Variants in RNF17 observed in about 807,000 individuals in gnomAD.
The protein encoded by RNF17 is ring finger protein 17.
In RNF17, 31 loss-of-function variants were observed where a neutral mutation model predicts 200.5. That is an observed-to-expected ratio of 0.15 (90% CI 0.12 to 0.21). The LOEUF is 0.21. RNF17 is among the 10% of genes least tolerant of loss of function. The pLI, the probability that RNF17 is intolerant of heterozygous loss-of-function variation, is 1.00. For missense variants in RNF17, 1,628 were observed against 1,905.1 expected (o/e 0.85, Z 2.71); for synonymous variants, 606 against 637.8 (o/e 0.95, Z 0.75).
At chr13:24,761,303 G>C (rs1352247188), upstream of RNF17, among the ~76,000 whole-genome samples, 2 of 152,078 alleles carry the variant, frequency 1.3e-5, no homozygotes, top group African/African-American at 4.8e-5. Context: ...CTCTTATGTT[G>C]GGAATAAATA....
At chr13:24,836,127 A>G (rs1889969255) in intron 18 of RNF17, among the ~76,000 whole-genome samples, 2 of 152,196 alleles carry the variant, frequency 1.3e-5, no homozygotes, top group South Asian at 4.1e-4. Context: ...AATATGAACA[A>G]AGCCTCCAAG....
the RNF17 span, among the ~76,000 whole-genome samples, chr13:24,754,349 A>G: frequency 6.6e-6 from 1 of 152,278 alleles, no homozygotes; most frequent in East Asian, 1.9e-4. Context: ...AGGAGTAGAC[A>G]TACAGGCCAG....
chr13:24,881,298 A>G (rs866987637), downstream of RNF17, among the ~76,000 whole-genome samples: 7 of 151,552 alleles, frequency 4.6e-5, no homozygotes, highest in South Asian at 1.5e-3. Flanking sequence ...GCACCACCAC[A>G]CCTGGCTAAC....
intron 22 of RNF17, among the ~76,000 whole-genome samples, chr13:24,848,051 T>G (rs1891447483): frequency 6.6e-6 from 1 of 152,208 alleles, no homozygotes; most frequent in Non-Finnish European, 1.5e-5. Context: ...TTTAAGAACT[T>G]CTGGAACCTG....
upstream of RNF17, chr13:24,764,070 G>A (rs575369925): frequency 4.4e-4 from 357 of 805,376 alleles, 2 homozygotes; most frequent in South Asian, 6.1e-3. Flanking sequence ...CATCAGGAGC[G>A]AGCTTGGGGG....
rs184617034 is a variant in RNF17, at chr13:24,791,509, C to T, written c.936-1533C>T. On this transcript the variant is annotated intron_variant, in intron 9 of 35. Transcript: ENST00000255324. ...CCAGCTTTCTGGAGAGAAATGTGTA[C>T]AGCTTAATTGGATATGAATGCTGAA... Among the ~76,000 whole-genome samples, 6 of 152,218 alleles carry T rather than the reference C, an allele frequency of 3.9e-5. No homozygotes were observed. In the South Asian group the frequency reaches 1.0e-3, roughly 26 times the overall value.
intron 15 of RNF17, among the ~76,000 whole-genome samples, chr13:24,809,540 T>C (rs1886328808): frequency 6.6e-6 from 1 of 152,318 alleles, no homozygotes; most frequent in Admixed American, 6.5e-5. Flanking sequence ...TTTTTTTCTT[T>C]GTTAGTCTTG....
chr13:24,762,610 T>C (rs565667509), upstream of RNF17, among the ~76,000 whole-genome samples: 9 of 152,188 alleles, frequency 5.9e-5, no homozygotes, highest in African/African-American at 2.2e-4. Flanking sequence ...GACAACAAAT[T>C]ACAAAGATTT....
At chr13:24,778,472 A>C in intron 4 of RNF17, 66 bp downstream of exon 4, 1 of 970,928 alleles carries the variant, frequency 1.0e-6, no homozygotes, top group East Asian at 2.4e-5. Flanking sequence ...TAGTAGCTCA[A>C]CTTTCTTCTC....
At chr13:24,808,900 A>C (rs1329197435) in intron 15 of RNF17, among the ~76,000 whole-genome samples, 3 of 136,558 alleles carry the variant, frequency 2.2e-5, no homozygotes, top group Non-Finnish European at 4.7e-5. Flanking sequence ...CTATTGAGAT[A>C]ATCATGTGGT....
rs987602924 is a variant in RNF17 at position 24,845,135 on chromosome 13, C to T, written c.3101+56C>T. ...TTTTAAATATTTTTAAATGCGTTCT[C>T]GTCAGTTTTAATTTTGCTAAGATAT... On this transcript the variant is annotated intron_variant, in intron 22 of 35. Coordinates refer to ENST00000255324, the MANE Select transcript of RNF17 (RefSeq NM_031277.3). 31 of 899,932 alleles carry T rather than the reference C, an allele frequency of 3.4e-5. No homozygotes were observed. In the East Asian group the frequency reaches 5.2e-4, roughly 15 times the overall value. 55.7% of individuals were successfully genotyped at this position (899,932 alleles called of 1,614,324 possible).
chr13:24,816,931 C>T (rs1057214617), intron 15 of RNF17, among the ~76,000 whole-genome samples: 4 of 152,150 alleles, frequency 2.6e-5, no homozygotes, highest in Admixed American at 2.0e-4. Context: ...AGAGCCTTGT[C>T]GGGGCAGAGC....
intron 22 of RNF17, among the ~76,000 whole-genome samples, chr13:24,846,360 T>C (rs977088796): frequency 2.0e-5 from 3 of 152,218 alleles, no homozygotes; most frequent in African/African-American, 7.2e-5. Context: ...GTTTCTTTTA[T>C]TGGCAAAAAT....
intron 9 of RNF17, among the ~76,000 whole-genome samples, chr13:24,792,364 A>G (rs1433383985): frequency 6.6e-6 from 1 of 152,210 alleles, no homozygotes; most frequent in Non-Finnish European, 1.5e-5. Context: ...CAGGTCAAGG[A>G]CAATACCCTG....
chr13:24,883,854 T>A, downstream of RNF17: 1 of 1,235,756 alleles, frequency 8.1e-7, no homozygotes, highest in Non-Finnish European at 1.2e-6. Flanking sequence ...CTGAACCCCC[T>A]AATATGGGTG....
intron 11 of RNF17, among the ~76,000 whole-genome samples, chr13:24,796,776 T>C (rs1317982931): frequency 6.6e-6 from 1 of 152,224 alleles, no homozygotes; most frequent in East Asian, 1.9e-4. Flanking sequence ...TATGTGAATT[T>C]GCCATGCTTC....
At chr13:24,758,138 C>A in the RNF17 span, among the ~76,000 whole-genome samples, 1 of 152,180 alleles carries the variant, frequency 6.6e-6, no homozygotes, top group Non-Finnish European at 1.5e-5. Context: ...GCCAATTAAA[C>A]CTCTTTTATT....
At chr13:24,814,866 G>A (rs1176402830) in intron 15 of RNF17, among the ~76,000 whole-genome samples, 1 of 152,118 alleles carries the variant, frequency 6.6e-6, no homozygotes, top group East Asian at 1.9e-4. Flanking sequence ...TTTAGGATGG[G>A]TTTTTCTGTT....
chr13:24,764,473 G>A (rs983664226), intron 1 of RNF17, 140 bp downstream of exon 1: 3 of 1,241,300 alleles, frequency 2.4e-6, no homozygotes, highest in African/African-American at 1.5e-5. Flanking sequence ...GGCCTCCCGC[G>A]AGCTGCACCC....
Sources: gnomAD v4.1 joint callset for allele counts (sites outside exome capture counted in the v4.1 genomes callset) on GRCh38, gnomAD v4.1.1 for gene constraint, MANE v1.5 for transcripts, NCBI Gene and HGNC (gene_info 2026-07-23, HGNC 2026-07-21) for gene names.